Variants in CHIC2 observed in about 807,000 individuals in gnomAD.
CHIC2 encodes the protein cysteine rich hydrophobic domain 2.
In CHIC2, 14 loss-of-function variants were observed where a neutral mutation model predicts 25.9. The ratio of observed to expected loss-of-function variants is 0.54; its 90% CI spans 0.36 to 0.85. The LOEUF is 0.85. Among genes scored for constraint, CHIC2 ranks in the 40% least tolerant of loss-of-function variants. The probability of loss-of-function intolerance (pLI) is 0.01; values close to 1 mark genes in which losing one functional copy is unlikely to be tolerated. For synonymous variants in CHIC2, 70 were observed against 72.0 expected (o/e 0.97, Z 0.14); for missense variants, 146 against 202.0 (o/e 0.72, Z 1.68).
upstream of CHIC2, chr4:54,064,733 GC>G: frequency 1.2e-6 from 1 of 848,132 alleles, no homozygotes; most frequent in Non-Finnish European, 1.4e-6. This position sits in a 1 kb window ranked among gnomAD's most constrained non-coding sequence, Gnocchi z 4.2. Flanking sequence ...GGGCGGGCGG[GC>G]GCGCGCACGT....
intron 3 of CHIC2, among the ~76,000 whole-genome samples, chr4:54,047,235 G>A (rs917718159): frequency 6.6e-6 from 1 of 152,228 alleles, no homozygotes; most frequent in African/African-American, 2.4e-5. Context: ...GTGGAAGTCA[G>A]TGTGGCGATT....
At chr4:54,014,355 T>C (rs1219642650) in intron 3 of CHIC2, among the ~76,000 whole-genome samples, 1 of 152,180 alleles carries the variant, frequency 6.6e-6, no homozygotes, top group Non-Finnish European at 1.5e-5. Context: ...TAGCCTCTGA[T>C]TTAAAACTAT....
rs1716476365 is a variant in CHIC2 at position 54,038,851 on chromosome 4, G to GT, written c.330+10103dup. 2.6e-5 allele frequency among the ~76,000 whole-genome samples: 4 copies of GT among 151,774 alleles called. No homozygotes were observed. The South Asian group carries it at 8.3e-4, about 32-fold the overall frequency. ...AACCTGGGCAACACAGCAAGACCCT[G>GT]TCTCCTTTTTAATTAAAAAAGAAAA... On this transcript the variant is annotated intron_variant, in intron 3 of 5. Transcript: ENST00000263921.
chr4:54,017,083 A>G (rs1437659619), intron 3 of CHIC2, among the ~76,000 whole-genome samples: 2 of 152,212 alleles, frequency 1.3e-5, no homozygotes, highest in Non-Finnish European at 1.5e-5. Flanking sequence ...AAAGCACTTT[A>G]TAATTGTAGT....
Position 54,023,059 on chromosome 4 carries a change from C to T in CHIC2, c.331-8940G>A, listed in dbSNP as rs554704361. 3.9e-5 allele frequency among the ~76,000 whole-genome samples: 6 copies of T among 152,144 alleles called. No homozygotes were observed. In the South Asian group the frequency reaches 6.2e-4, roughly 16 times the overall value. On this transcript the variant is annotated intron_variant, in intron 3 of 5. Transcript: ENST00000263921. ...TTCTGTCCTAGCAAACCTAGCTGAC[C>T]CCATAGATCCTAATTCCTTTCGCCA... is the stretch of plus-strand genomic sequence containing the variant.
At chr4:54,090,411 C>G in the CHIC2 span, among the ~76,000 whole-genome samples, 1 of 152,160 alleles carries the variant, frequency 6.6e-6, no homozygotes, top group African/African-American at 2.4e-5. Context: ...TCTCGAACTT[C>G]TAGCCTCAAG....
At chr4:54,056,920 A>C (rs139840821) in intron 1 of CHIC2, among the ~76,000 whole-genome samples, 9 of 152,114 alleles carry the variant, frequency 5.9e-5, no homozygotes, top group African/African-American at 1.9e-4. Context: ...AAAATCTATG[A>C]TCTTGTGGGA....
At chr4:54,038,470 A>G (rs1032228541) in intron 3 of CHIC2, among the ~76,000 whole-genome samples, 7 of 152,182 alleles carry the variant, frequency 4.6e-5, no homozygotes, top group Admixed American at 1.3e-4. Flanking sequence ...AACAAAAAAA[A>G]CGTCAAAGAC....
chr4:54,085,634 T>C, the CHIC2 span, among the ~76,000 whole-genome samples: 5 of 152,198 alleles, frequency 3.3e-5, no homozygotes, highest in Non-Finnish European at 7.3e-5. Context: ...GTGTAAATTA[T>C]AAAAACAAGA....
At chr4:54,050,778 A>G (rs2110086561) in intron 1 of CHIC2, among the ~76,000 whole-genome samples, 1 of 152,188 alleles carries the variant, frequency 6.6e-6, no homozygotes, top group Admixed American at 6.5e-5. Flanking sequence ...ACACCATTTT[A>G]AGTTTGTATA....
At chr4:54,084,114 A>C in the CHIC2 span, among the ~76,000 whole-genome samples, 4 of 152,322 alleles carry the variant, frequency 2.6e-5, no homozygotes, top group East Asian at 7.7e-4. Context: ...CAGTTGTTGC[A>C]TGCCACTATC....
intron 5 of CHIC2, among the ~76,000 whole-genome samples, chr4:54,010,856 CTTAA>C (rs1560379024): frequency 6.6e-6 from 1 of 151,948 alleles, no homozygotes; most frequent in African/African-American, 2.4e-5. Flanking sequence ...TCCTTTATCT[CTTAA>C]TTTTTTAAAA....
At chr4:54,019,551 A>C (rs1174611851) in intron 3 of CHIC2, among the ~76,000 whole-genome samples, 2 of 152,202 alleles carry the variant, frequency 1.3e-5, no homozygotes, top group Non-Finnish European at 2.9e-5. Flanking sequence ...GAGAATATTA[A>C]CTTGTTTAGG....
chr4:54,032,971 T>A (rs953577650), intron 3 of CHIC2, among the ~76,000 whole-genome samples: 8 of 152,188 alleles, frequency 5.3e-5, no homozygotes, highest in African/African-American at 1.9e-4. Flanking sequence ...CTGAGTTCTC[T>A]CAAGATCCGG....
rs1428079736 is a variant in CHIC2 at position 54,043,334 on chromosome 4, T to C, written c.330+5621A>G. On this transcript the variant is annotated intron_variant, in intron 3 of 5. Coordinates refer to ENST00000263921, the MANE Select transcript of CHIC2 (RefSeq NM_012110.4). ...TACTCAGGAGGCTGACACAGGAGAA[T>C]GGCGTGAACACGGGAGGTGGAGCTT... 2.7e-5 allele frequency among the ~76,000 whole-genome samples: 4 copies of C among 147,394 alleles called. No homozygotes were observed. The East Asian group carries it at 6.0e-4, about 22-fold the overall frequency.
chr4:54,050,958 C>T (rs1306870506), intron 1 of CHIC2, among the ~76,000 whole-genome samples: 1 of 152,046 alleles, frequency 6.6e-6, no homozygotes, highest in Non-Finnish European at 1.5e-5. Flanking sequence ...CACTCCTGAC[C>T]TTATCTATTC....
rs1220266105 is a variant in CHIC2 at position 54,049,026 on chromosome 4, G to T, written c.259C>A (p.Leu87Ile). Residue 87 changes from leucine to isoleucine, a missense_variant, in exon 3 of 6, where the codon CTT becomes ATT. Leu to Ile is a conservative substitution (Grantham distance 5, BLOSUM62 2). Coordinates refer to ENST00000263921, the MANE Select transcript of CHIC2 (RefSeq NM_012110.4). ...CAGCAGCAACAAAGGCAGCCACAAA[G>T]TAGCCAACGTACATTAACAGGAAGG... ...KNLPVNVRWL[L>I]CGCLCCCCTL... The T allele has an allele frequency of 1.2e-6, 2 of 1,610,904 alleles. No homozygotes were observed. Among genetic ancestry groups the T allele is most frequent in the Admixed American group, 3.4e-5 (2 of 59,680 alleles).
chr4:54,063,323 G>A (rs1717394408), intron 1 of CHIC2, among the ~76,000 whole-genome samples: 1 of 152,194 alleles, frequency 6.6e-6, no homozygotes, highest in East Asian at 1.9e-4. Context: ...ACATCAAGTG[G>A]TACAAAACTG....
At position 54,064,019 on chromosome 4, in the gene CHIC2, G is replaced by T. The variant is rs1560400637; in HGVS notation, c.119+163C>A. 6.6e-6 allele frequency among the ~76,000 whole-genome samples: 1 copy of T among 152,248 alleles called. No homozygotes were observed. The highest frequency in any genetic ancestry group is 2.4e-5 in the African/African-American group (1 of 41,472). ...AAGGACAGCGTCCGTCCCCACTTCG[G>T]AGACCCAAACAAATGAAAATAAGCC... On this transcript the variant is annotated intron_variant, in intron 1 of 5. Coordinates refer to ENST00000263921, the MANE Select transcript of CHIC2 (RefSeq NM_012110.4). This position sits in a 1 kb window ranked among gnomAD's most constrained non-coding sequence, Gnocchi z 4.2.
Sources: gnomAD v4.1 joint callset for allele counts (sites outside exome capture counted in the v4.1 genomes callset) on GRCh38, gnomAD v4.1.1 for gene constraint, Gnocchi (gnomAD v3.1) non-coding constraint, MANE v1.5 for transcripts, NCBI Gene and HGNC (gene_info 2026-07-23, HGNC 2026-07-21) for gene names.